Variants in TTC28 observed in about 807,000 individuals in gnomAD.
The protein encoded by TTC28 is tetratricopeptide repeat protein 28.
In TTC28, 61 loss-of-function variants were observed where a neutral mutation model predicts 198.0. The ratio of observed to expected loss-of-function variants is 0.31; its 90% confidence interval spans 0.25 to 0.38. The LOEUF is 0.38. Among genes scored for constraint, TTC28 ranks in the 10% least tolerant of loss-of-function variants. TTC28 has a pLI of 1.00. For missense variants in TTC28, 2,678 were observed against 3,164.0 expected (o/e 0.85, Z 3.69); for synonymous variants, 1,171 against 1,297.8 (o/e 0.90, Z 2.10).
intron 21 of TTC28, among the ~76,000 whole-genome samples, chr22:27,989,463 G>GGAAAT (rs1477733880): frequency 6.6e-6 from 1 of 152,150 alleles, no homozygotes; most frequent in Non-Finnish European, 1.5e-5. Context: ...ACAGTGCAGA[G>GGAAAT]GAAATGGCAC....
rs1182651868 is a variant in TTC28 at position 28,544,623 on chromosome 22, GCACAAGACACGGAT to G, written c.381+84915_381+84928del. Among the ~76,000 whole-genome samples, 5 of 152,156 alleles carry G rather than the reference GCACAAGACACGGAT, an allele frequency of 3.3e-5. No individual in the cohort carries two copies. The East Asian group carries it at 9.6e-4, about 29-fold the overall frequency. ...AGTCACAGGATGAGATAGGAGGTCA[GCACAAGACACGGAT>G]CACAAAGACCTTGCTGATAAAACAG... is the stretch of plus-strand genomic sequence containing the variant. On this transcript the variant is annotated intron_variant, in intron 2 of 22. Transcript: ENST00000397906.
intron 2 of TTC28, among the ~76,000 whole-genome samples, chr22:28,320,148 G>T (rs939578512): frequency 6.6e-6 from 1 of 152,066 alleles, no homozygotes; most frequent in Non-Finnish European, 1.5e-5. Context: ...CAGGCTACAT[G>T]CATAAAAGCA....
rs1942374033 is a variant in TTC28 at position 28,108,080 on chromosome 22, C to T, written c.1765G>A (p.Asp589Asn). The T allele has an allele frequency of 6.4e-7, 1 of 1,551,612 alleles. No homozygotes were observed. Among genetic ancestry groups the T allele is most frequent in the Non-Finnish European group, 8.7e-7 (1 of 1,146,986 alleles). Residue 589 changes from aspartate to asparagine, a missense_variant, in exon 7 of 23, where the codon GAC (aspartate) becomes AAC (asparagine). Transcript: ENST00000397906. ...NHLNIARELR[D>N]IQSEARALSN... is the part of the protein sequence containing the mutation. ...AGGGCCCGGGCCTCGCTCTGGATGT[C>T]TCGTAGCTCCCGGGCGATGTTCAAG...
intron 2 of TTC28, among the ~76,000 whole-genome samples, chr22:28,586,509 A>T (rs763743741): frequency 1.3e-5 from 2 of 152,176 alleles, no homozygotes; most frequent in Non-Finnish European, 2.9e-5. Flanking sequence ...ACAAATGTAT[A>T]CATATTTATA....
At chr22:27,989,430 G>A (rs1411542574) in intron 21 of TTC28, among the ~76,000 whole-genome samples, 1 of 152,166 alleles carries the variant, frequency 6.6e-6, no homozygotes, top group Admixed American at 6.5e-5. Flanking sequence ...AAGGTAATGG[G>A]CACAAATGAC....
At chr22:28,560,734 T>C (rs1353216455) in intron 2 of TTC28, among the ~76,000 whole-genome samples, 23 of 152,014 alleles carry the variant, frequency 1.5e-4, no homozygotes, top group Non-Finnish European at 5.9e-5. Context: ...CTAAAATTGC[T>C]ACCTCTCCTT....
intron 5 of TTC28, among the ~76,000 whole-genome samples, chr22:28,248,011 CA>C (rs1355348595): frequency 6.6e-6 from 1 of 152,170 alleles, no homozygotes; most frequent in Non-Finnish European, 1.5e-5. Flanking sequence ...TGTTAACAAA[CA>C]ATATCATAGT....
At chr22:28,527,608 C>CTTTA (rs2049031220) in intron 2 of TTC28, among the ~76,000 whole-genome samples, 1 of 152,182 alleles carries the variant, frequency 6.6e-6, no homozygotes, top group Non-Finnish European at 1.5e-5. Flanking sequence ...AGAGAGTTCT[C>CTTTA]TTAAATGTTA....
At chr22:28,279,758 C>T (rs1424836766) in intron 5 of TTC28, among the ~76,000 whole-genome samples, 1 of 152,188 alleles carries the variant, frequency 6.6e-6, no homozygotes, top group African/African-American at 2.4e-5. Flanking sequence ...ATAAAGTACC[C>T]GTATAGCTCT....
chr22:28,061,627 AG>A (rs1398955283), intron 12 of TTC28, among the ~76,000 whole-genome samples: 4 of 152,132 alleles, frequency 2.6e-5, no homozygotes, highest in Non-Finnish European at 5.9e-5. Flanking sequence ...GTAGCTTTGT[AG>A]TACAGTTTGA....
intron 5 of TTC28, among the ~76,000 whole-genome samples, chr22:28,168,849 G>T (rs1435492655): frequency 6.6e-6 from 1 of 152,136 alleles, no homozygotes; most frequent in African/African-American, 2.4e-5. Flanking sequence ...AAGAGCTTCT[G>T]CACAGCAAAA....
intron 12 of TTC28, among the ~76,000 whole-genome samples, chr22:28,077,117 T>C (rs760265712): frequency 6.6e-6 from 1 of 152,234 alleles, no homozygotes; most frequent in Non-Finnish European, 1.5e-5. Context: ...TGAAACCTAA[T>C]AGTCCATTTT....
At chr22:28,410,661 T>C (rs1026016278) in intron 2 of TTC28, among the ~76,000 whole-genome samples, 5 of 152,206 alleles carry the variant, frequency 3.3e-5, no homozygotes, top group East Asian at 3.9e-4. Flanking sequence ...GCCAAGTAGG[T>C]TGAAAGGAGC....
intron 2 of TTC28, among the ~76,000 whole-genome samples, chr22:28,330,643 T>TA (rs2045600355): frequency 6.6e-6 from 1 of 152,190 alleles, no homozygotes; most frequent in Admixed American, 6.5e-5. Flanking sequence ...TTCCTATTTT[T>TA]AATGAAAGGG....
intron 12 of TTC28, among the ~76,000 whole-genome samples, chr22:28,071,682 A>C (rs1320132338): frequency 7.0e-6 from 1 of 143,378 alleles, no homozygotes; most frequent in Admixed American, 7.1e-5. Context: ...ATGTATACAT[A>C]TGTAACTAAC....
chr22:28,446,906 A>G (rs1227696468), intron 2 of TTC28, among the ~76,000 whole-genome samples: 1 of 152,220 alleles, frequency 6.6e-6, no homozygotes, highest in Non-Finnish European at 1.5e-5. Context: ...GCAATCTAAT[A>G]TATAACAAAA....
chr22:28,311,116 T>C (rs1447641932), intron 2 of TTC28, among the ~76,000 whole-genome samples: 1 of 152,030 alleles, frequency 6.6e-6, no homozygotes, highest in African/African-American at 2.4e-5. Flanking sequence ...AAATTTGGAA[T>C]TTGAACTTTT....
chr22:28,251,980 G>A (rs1930546050), intron 5 of TTC28, among the ~76,000 whole-genome samples: 1 of 152,074 alleles, frequency 6.6e-6, no homozygotes, highest in Non-Finnish European at 1.5e-5. Context: ...TTTAGAAGAG[G>A]AAATTAAGTT....
At chr22:28,079,021 T>C (rs1195934887) in intron 12 of TTC28, among the ~76,000 whole-genome samples, 1 of 152,104 alleles carries the variant, frequency 6.6e-6, no homozygotes, top group Non-Finnish European at 1.5e-5. Context: ...ATAGGTGCTG[T>C]TGAAGGGTGG....
Sources: gnomAD v4.1 joint callset for allele counts (sites outside exome capture counted in the v4.1 genomes callset) on GRCh38, gnomAD v4.1.1 for gene constraint, MANE v1.5 for transcripts, NCBI Gene and HGNC (gene_info 2026-07-23, HGNC 2026-07-21) for gene names.